Variants in LITAF observed in about 807,000 individuals in gnomAD.
LITAF encodes the protein lipopolysaccharide induced TNF factor, also known as lipopolysaccharide-induced tumor necrosis factor-alpha factor.
LITAF carries 9 observed loss-of-function variants against 14.5 expected under a neutral mutation model. The ratio of observed to expected loss-of-function variants is 0.62; its 90% CI spans 0.37 to 1.08. The LOEUF (loss-of-function observed/expected upper bound fraction) is 1.08, where lower values mean the gene tolerates loss of function less well. Among genes scored for constraint, LITAF ranks in the 50% least tolerant of loss-of-function variants. The pLI is 0.01. For missense variants in LITAF, 206 were observed against 213.4 expected (o/e 0.97, Z 0.22); for synonymous variants, 98 against 88.2 (o/e 1.11, Z -0.62).
At chr16:11,559,924 G>A (rs949952103) in intron 1 of LITAF, among the ~76,000 whole-genome samples, 2 of 151,878 alleles carry the variant, frequency 1.3e-5, no homozygotes, top group African/African-American at 4.8e-5. Flanking sequence ...AAACCCAGGA[G>A]TTCAAGTGAG....
At position 11,634,862 on chromosome 16, in the gene LITAF, C is replaced by T. The variant is rs573629922; in HGVS notation, c.-21+963G>A. ...CAGCCTGGCTAACCTGGTGAAACCC[C>T]GTCTCTACTAAAAATGCAAAAACTA... On this transcript the variant is annotated intron_variant, in intron 2 of 3. Transcript: ENST00000574848. The surrounding 1 kb of genome is among the most constrained non-coding windows in gnomAD (Gnocchi z 4.1). Among the ~76,000 whole-genome samples, 5 of 152,008 alleles carry T rather than the reference C, an allele frequency of 3.3e-5. No individual in the cohort carries two copies. The South Asian group carries it at 1.0e-3, about 32-fold the overall frequency.
chr16:11,564,279 C>G (rs942635517), intron 1 of LITAF, among the ~76,000 whole-genome samples: 2 of 151,996 alleles, frequency 1.3e-5, no homozygotes, highest in Admixed American at 6.6e-5. Context: ...TCAGACCCAG[C>G]GATCATCCGT....
chr16:11,598,228 A>G (rs1429996597), intron 1 of LITAF, among the ~76,000 whole-genome samples: 1 of 150,694 alleles, frequency 6.6e-6, no homozygotes, highest in African/African-American at 2.4e-5. Flanking sequence ...TCTCCATGCA[A>G]GTTTCTCTCC....
chr16:11,565,445 G>A (rs1269316138), intron 1 of LITAF, among the ~76,000 whole-genome samples: 2 of 147,954 alleles, frequency 1.4e-5, no homozygotes, highest in African/African-American at 2.5e-5. Context: ...AAAGCGGGGG[G>A]CGGGGGGGTG....
At chr16:11,621,218 C>G (rs2065048906) in intron 3 of LITAF, among the ~76,000 whole-genome samples, 1 of 152,210 alleles carries the variant, frequency 6.6e-6, no homozygotes, top group African/African-American at 2.4e-5. Context: ...GCATGTGCCA[C>G]CACGCCCAAC....
At chr16:11,611,414 C>CTAAA (rs1470430699) in intron 3 of LITAF, among the ~76,000 whole-genome samples, 1 of 152,156 alleles carries the variant, frequency 6.6e-6, no homozygotes, top group Non-Finnish European at 1.5e-5. Flanking sequence ...TTAGCAAGTC[C>CTAAA]TAAATACAGC....
At chr16:11,566,562 G>A (rs998556502) in intron 1 of LITAF, among the ~76,000 whole-genome samples, 2 of 152,172 alleles carry the variant, frequency 1.3e-5, no homozygotes, top group African/African-American at 2.4e-5. Context: ...CTAGAAGTTC[G>A]AGACCGGCCC....
intron 3 of LITAF, among the ~76,000 whole-genome samples, chr16:11,631,321 G>C (rs1401254920): frequency 6.6e-6 from 1 of 152,222 alleles, no homozygotes. Flanking sequence ...TCTAGGGAGG[G>C]TCCTCTCTTG....
Position 11,620,677 on chromosome 16 carries a change from T to C in LITAF, c.85+12856A>G, listed in dbSNP as rs147235477. Among the ~76,000 whole-genome samples, 103 of 152,324 alleles carry C rather than the reference T, an allele frequency of 6.8e-4. 3 individuals are homozygous for C. In the East Asian group the frequency reaches 0.019, roughly 28 times the overall value. On this transcript the variant is annotated intron_variant, in intron 3 of 3. Coordinates refer to the LITAF transcript ENST00000574848. ...GGTGATATGGAAAAAATAGGTCATT[T>C]CTATTCTGTGAAAGAATCAGCAGCA...
intron 1 of LITAF, among the ~76,000 whole-genome samples, chr16:11,572,348 T>C (rs987830363): frequency 6.6e-6 from 1 of 151,856 alleles, no homozygotes; most frequent in Admixed American, 6.6e-5. Context: ...CGAGTCCTCA[T>C]GCATGAAATG....
At chr16:11,565,158 C>A (rs2064431502) in intron 1 of LITAF, among the ~76,000 whole-genome samples, 1 of 151,578 alleles carries the variant, frequency 6.6e-6, no homozygotes, top group Admixed American at 6.6e-5. Flanking sequence ...TCTTGGCTCG[C>A]TGCAACCTCT....
rs149008801 is a variant in LITAF at position 11,635,294 on chromosome 16, G to A, written c.-21+531C>T. ...TGCAAACGCTTGCATAGACACACAC[G>A]CATGCACGCATGTAGATACCAATCA... On this transcript the variant is annotated intron_variant, in intron 2 of 3. Coordinates refer to the LITAF transcript ENST00000574848. Among the ~76,000 whole-genome samples, 10 of 152,276 alleles carry A rather than the reference G, an allele frequency of 6.6e-5. No individual in the cohort carries two copies. The South Asian group carries it at 8.3e-4, about 13-fold the overall frequency.
chr16:11,639,619 T>TA (rs34112249), upstream of LITAF, among the ~76,000 whole-genome samples: 2,062 of 150,390 alleles, frequency 0.014, 21 homozygotes, highest in Non-Finnish European at 0.019. Context: ...GAAAGATTTT[T>TA]AAAAAAAAAA....
In LITAF at chr16:11,620,167, C is replaced by CAA. The variant is rs533195309; in HGVS notation, c.85+13364_85+13365dup. ...TAGAGGACAGAGTGAGAGTCCGTCT[C>CAA]AAAAAAAAAAAAAAAAGAAAAGAAA... is the stretch of plus-strand genomic sequence containing the variant. On this transcript the variant is annotated intron_variant, in intron 3 of 3. Coordinates refer to the LITAF transcript ENST00000574848. 3.7e-3 allele frequency among the ~76,000 whole-genome samples: 252 copies of CAA among 67,280 alleles called. 2 individuals carry two copies. The highest frequency in any genetic ancestry group is 0.012 in the African/African-American group (241 of 19,460). 44.1% of individuals were successfully genotyped at this position (67,280 alleles called of 152,430 possible). A position where few individuals can be genotyped will look rare whatever the true frequency, so the allele number is the denominator to read the frequency against.
At chr16:11,631,458 T>A (rs745885190) in intron 3 of LITAF, among the ~76,000 whole-genome samples, 3 of 152,022 alleles carry the variant, frequency 2.0e-5, no homozygotes, top group East Asian at 1.9e-4. Context: ...TGCAGTGGCG[T>A]GAACATAGCT....
chr16:11,598,287 C>CTT lies in LITAF; in HGVS notation c.-6+99_-6+100dup, dbSNP rs35125387. 4.0e-3 allele frequency: 552 copies of CTT among 139,680 alleles called. 2 individuals are homozygous for CTT. Among genetic ancestry groups the CTT allele is most frequent in the Middle Eastern group, 0.011 (3 of 272 alleles). The allele number at this position is 139,680 out of a possible 1,614,324, so 8.7% of individuals were successfully genotyped here. A position where few individuals can be genotyped will look rare whatever the true frequency, so the allele number is the denominator to read the frequency against. On this transcript the variant is annotated intron_variant, in intron 1 of 3. Transcript: ENST00000571627. ...CCCACTGTCTCTCCAGGGCCTGAGCCTTTTTTTTTTTTTTGCCCCAGACAA... is the reference window on the plus strand; with the variant it reads ...CCCACTGTCTCTCCAGGGCCTGAGCCTTTTTTTTTTTTTTTTGCCCCAGACAA...
Position 11,556,649 on chromosome 16 carries a change from C to T in LITAF, c.82G>A (p.Ala28Thr). The T allele has an allele frequency of 6.2e-7, 1 of 1,614,192 alleles. No individual in the cohort carries two copies. Among genetic ancestry groups the T allele is most frequent in the Non-Finnish European group, 8.5e-7 (1 of 1,180,044 alleles). ...SAPPSYEETVAVNSYYPTPPA... is the reference protein window; with the variant it reads ...SAPPSYEETVTVNSYYPTPPA... ...GGTGTGGGGTAATAACTGTTAACAGCCACTGTCTCTTCATAGGATGGAGGT... is the reference window on the plus strand; with the variant it reads ...GGTGTGGGGTAATAACTGTTAACAGTCACTGTCTCTTCATAGGATGGAGGT... The change falls in exon 2 of 4, where the codon GCT becomes ACT. Residue 28 changes from alanine to threonine, a missense_variant. Coordinates refer to ENST00000622633, the MANE Select transcript of LITAF (RefSeq NM_001136472.2).
At chr16:11,636,717 C>T (rs1567270452), upstream of LITAF, among the ~76,000 whole-genome samples, 1 of 142,530 alleles carries the variant, frequency 7.0e-6, no homozygotes, top group African/African-American at 3.1e-5. Flanking sequence ...CGGCATTCAC[C>T]TGTGCAATCT....
At chr16:11,559,576 A>G (rs2064326407) in intron 1 of LITAF, among the ~76,000 whole-genome samples, 1 of 152,142 alleles carries the variant, frequency 6.6e-6, no homozygotes, top group South Asian at 2.1e-4. Context: ...TTAGTAGGAA[A>G]AAATGAATGT....
Sources: allele counts gnomAD v4.1 joint callset (sites outside exome capture counted in the v4.1 genomes callset), GRCh38; gene constraint gnomAD v4.1.1; non-coding constraint Gnocchi (gnomAD v3.1); transcripts MANE v1.5; gene names NCBI Gene and HGNC (gene_info 2026-07-23, HGNC 2026-07-21).